GLOD5: variants seen among roughly 807,000 people sequenced by gnomAD.
The protein encoded by GLOD5 is glyoxalase domain-containing protein 5.
A neutral mutation model predicts 9.9 loss-of-function variants in GLOD5; 7 were observed. That is an observed-to-expected ratio of 0.71 (90% CI 0.40 to 1.33). The LOEUF is 1.33. Among genes scored for constraint, GLOD5 ranks in the 40% most tolerant of loss-of-function variants. The pLI, the probability that GLOD5 is intolerant of heterozygous loss-of-function variation, is 0.01. For missense variants in GLOD5, 146 were observed against 128.4 expected (o/e 1.14, Z -0.66); for synonymous variants, 49 against 47.3 (o/e 1.04, Z -0.14).
In GLOD5 at chrX:48,773,302, C is replaced by G; in HGVS notation, c.358-8C>G. The G allele has an allele frequency of 8.3e-7, 1 of 1,210,768 alleles. No homozygotes were observed. The highest frequency in any genetic ancestry group is 1.1e-6 in the Non-Finnish European group (1 of 894,970). ...ACGAACGACTTTTGTCTTTTCTTCC[C>G]ACTTCAGGCTTGTGATGTCCCTATT... On this transcript the variant is annotated splice_polypyrimidine_tract_variant and splice_region_variant and intron_variant, in intron 3 of 3. Coordinates refer to ENST00000303227, the MANE Select transcript of GLOD5 (RefSeq NM_001080489.3).
At chrX:48,772,356 C>T (rs1437925290) in intron 3 of GLOD5, among the ~76,000 whole-genome samples, 3 of 110,536 alleles carry the variant, frequency 2.7e-5, no homozygotes, top group Non-Finnish European at 5.7e-5. Context: ...GGTAACATGG[C>T]GAGACCCTGT....
chrX:48,768,372 C>T (rs782426364), intron 2 of GLOD5, among the ~76,000 whole-genome samples: 2 of 111,822 alleles, frequency 1.8e-5, no homozygotes, highest in Non-Finnish European at 3.8e-5. Context: ...ACACATCAAA[C>T]GCACTATAAT....
At chrX:48,765,577 CAAAA>C (rs66661999) in intron 1 of GLOD5, 250 of 175,735 alleles carry the variant, frequency 1.4e-3, no homozygotes, top group East Asian at 1.6e-3. Context: ...GACTCTGTCT[CAAAA>C]AAAAAAAAAA....
rs368829297 is a variant in GLOD5 at position 48,765,831 on chromosome X, T to C, written c.64-4T>C. On this transcript the variant is annotated splice_polypyrimidine_tract_variant and splice_region_variant and intron_variant, in intron 1 of 3. Transcript: ENST00000303227. ...TCTCTTCTGACTTTTTTTTCTTTTT[T>C]TAGTCATGGAGGGACAGCAGTCAGA... 5.1e-6 allele frequency: 6 copies of C among 1,176,554 alleles called. No homozygotes were observed. The African/African-American group carries it at 1.1e-4, about 21-fold the overall frequency.
chrX:48,765,593 A>AAG (rs2062606838), intron 1 of GLOD5: 3 of 374,937 alleles, frequency 8.0e-6, no homozygotes, highest in African/African-American at 2.7e-5. Flanking sequence ...AAAAAAAAAA[A>AAG]AAAAAAAAAG....
At position 48,773,301 on chromosome X, in the gene GLOD5, C is replaced by A. The variant is rs1557017645; in HGVS notation, c.358-9C>A. The stretch of plus-strand genomic sequence containing the variant: ...GACGAACGACTTTTGTCTTTTCTTC[C>A]CACTTCAGGCTTGTGATGTCCCTAT... On this transcript the variant is annotated splice_polypyrimidine_tract_variant and intron_variant, in intron 3 of 3. Coordinates refer to ENST00000303227, the MANE Select transcript of GLOD5 (RefSeq NM_001080489.3). The A allele has an allele frequency of 3.3e-6, 4 of 1,210,681 alleles. No homozygotes were observed. The highest frequency in any genetic ancestry group is 4.5e-6 in the Non-Finnish European group (4 of 894,937).
chrX:48,761,823 C>A lies in GLOD5; in HGVS notation c.33C>A (p.Val11=). MLRHLPSRLP[V]KMWGRTLEKQ... The stretch of plus-strand genomic sequence containing the variant: ...GCCATCTGCCCTCCAGGCTGCCAGT[C>A]AAGATGTGGGGCAGGACTTTGGAGA... Residue 11 remains valine (V), a synonymous_variant, in exon 1 of 4, where the codon GTC becomes GTA. Transcript: ENST00000303227. 1 of 1,166,631 alleles carries A rather than the reference C, an allele frequency of 8.6e-7. No individual in the cohort carries two copies. Among genetic ancestry groups the A allele is most frequent in the Non-Finnish European group, 1.1e-6 (1 of 872,165 alleles).
chrX:48,773,086 G>T (rs2062626664), intron 3 of GLOD5, among the ~76,000 whole-genome samples: 1 of 110,049 alleles, frequency 9.1e-6, no homozygotes, highest in Admixed American at 9.7e-5. Context: ...AAATAGCTGG[G>T]CATGGTGGCA....
At chrX:48,770,054 C>A (rs1265822529) in intron 2 of GLOD5, among the ~76,000 whole-genome samples, 2 of 107,106 alleles carry the variant, frequency 1.9e-5, no homozygotes, top group Non-Finnish European at 3.8e-5. Context: ...GTGGGCAGAT[C>A]ACCTTAGGTC....
intron 1 of GLOD5, among the ~76,000 whole-genome samples, chrX:48,765,304 G>C (rs2147293683): frequency 1.8e-5 from 2 of 110,830 alleles, no homozygotes; most frequent in East Asian, 5.6e-4. Flanking sequence ...GGGTGCAGTG[G>C]CTCACCCCTG....
chrX:48,762,678 C>A (rs994866212), intron 1 of GLOD5, among the ~76,000 whole-genome samples: 2 of 111,135 alleles, frequency 1.8e-5, no homozygotes, highest in Non-Finnish European at 3.8e-5. Context: ...CTCATGTAAT[C>A]CACCCACCTT....
At chrX:48,769,522 T>TA (rs1390521091) in intron 2 of GLOD5, among the ~76,000 whole-genome samples, 1 of 109,769 alleles carries the variant, frequency 9.1e-6, no homozygotes, top group Non-Finnish European at 1.9e-5. Flanking sequence ...CTCTGTCTCT[T>TA]AAAAAAATAA....
intron 2 of GLOD5, among the ~76,000 whole-genome samples, chrX:48,770,592 T>C (rs1460522008): frequency 2.7e-5 from 3 of 111,217 alleles, no homozygotes; most frequent in Non-Finnish European, 5.7e-5. Flanking sequence ...GAAATGTAGG[T>C]TTTTAAAGTT....
chrX:48,770,837 C>T (rs2095350696), intron 2 of GLOD5, 90 bp from the exon 3 acceptor site: 1 of 726,590 alleles, frequency 1.4e-6, no homozygotes, highest in African/African-American at 2.3e-5. Flanking sequence ...TTTTTTTAAA[C>T]CTTGTTGGGA....
chrX:48,769,376 C>T (rs1343487617), intron 2 of GLOD5, among the ~76,000 whole-genome samples: 2 of 107,474 alleles, frequency 1.9e-5, no homozygotes, highest in Admixed American at 2.0e-4. Flanking sequence ...ATTAGCCAGG[C>T]GTGGTGGTGC....
intron 1 of GLOD5, among the ~76,000 whole-genome samples, chrX:48,764,394 T>C (rs1557016334): frequency 9.0e-6 from 1 of 111,539 alleles, no homozygotes; most frequent in East Asian, 2.8e-4. Flanking sequence ...GCACTTGATA[T>C]GTATTAGGCA....
intron 1 of GLOD5, among the ~76,000 whole-genome samples, chrX:48,765,340 G>A (rs2062605993): frequency 9.1e-6 from 1 of 110,175 alleles, no homozygotes; most frequent in Admixed American, 9.8e-5. Context: ...GGGAGGCCGA[G>A]GTAGGCAGAT....
intron 2 of GLOD5, 135 bp from the exon 3 acceptor site, chrX:48,770,792 G>A (rs1216496581): frequency 6.8e-6 from 3 of 440,297 alleles, no homozygotes; most frequent in Non-Finnish European, 1.1e-5. Context: ...GTGGGGCAAA[G>A]GGCTGTTGTG....
chrX:48,772,494 G>A (rs1013043982), intron 3 of GLOD5, among the ~76,000 whole-genome samples: 6 of 111,302 alleles, frequency 5.4e-5, no homozygotes, highest in Admixed American at 1.9e-4. Flanking sequence ...AGCTGTGATC[G>A]CACCACTCCA....
Sources: allele counts gnomAD v4.1 joint callset (sites outside exome capture counted in the v4.1 genomes callset), GRCh38; gene constraint gnomAD v4.1.1; transcripts MANE v1.5; gene names NCBI Gene and HGNC (gene_info 2026-07-23, HGNC 2026-07-21).